Variants in DOCK4 observed in about 807,000 individuals in gnomAD.
The protein encoded by DOCK4 is dedicator of cytokinesis protein 4.
A neutral mutation model predicts 268.1 loss-of-function variants in DOCK4; 97 were observed. The observed-to-expected ratio is 0.36, with a 90% CI of 0.31 to 0.43. The LOEUF is 0.43. Among genes scored for constraint, DOCK4 ranks in the 20% least tolerant of loss-of-function variants. The pLI is 1.00. For missense variants in DOCK4, 2,145 were observed against 2,455.7 expected, an observed-to-expected ratio of 0.87 and a Z score of 2.67; for synonymous variants, 954 against 887.2, an observed-to-expected ratio of 1.08 and a Z score of -1.34.
chr7:112,092,783 T>G (rs906458711), intron 1 of DOCK4, among the ~76,000 whole-genome samples: 3 of 152,116 alleles, frequency 2.0e-5, no homozygotes, highest in Non-Finnish European at 4.4e-5. Flanking sequence ...TATTCCAGTT[T>G]TGAAACTGCA....
chr7:112,127,299 C>T (rs890638245), intron 1 of DOCK4, among the ~76,000 whole-genome samples: 3 of 150,956 alleles, frequency 2.0e-5, no homozygotes, highest in African/African-American at 7.3e-5. Flanking sequence ...TCTCAGTAAA[C>T]TATCGCAAGG....
chr7:112,200,275 G>A (rs1385352174), intron 1 of DOCK4, among the ~76,000 whole-genome samples: 2 of 152,202 alleles, frequency 1.3e-5, no homozygotes, highest in South Asian at 2.1e-4. Flanking sequence ...ATATGTGTGT[G>A]GGGTGGTACT....
In DOCK4 at chr7:111,998,427, C is replaced by A. The variant is rs779414323; in HGVS notation, c.218+21G>T. On this transcript the variant is annotated intron_variant, in intron 4 of 52. Transcript: ENST00000428084. ...AGGCTCTGTGAAAATCCTCCAACTACTAATAAAACTCATTTCTTACCCTTT... is the reference window on the plus strand; with the variant it reads ...AGGCTCTGTGAAAATCCTCCAACTAATAATAAAACTCATTTCTTACCCTTT... 12 of 1,536,742 alleles carry A rather than the reference C, an allele frequency of 7.8e-6. No individual in the cohort carries two copies. The East Asian group carries it at 2.6e-4, about 33-fold the overall frequency.
intron 13 of DOCK4, among the ~76,000 whole-genome samples, chr7:111,910,541 C>T (rs540561534): frequency 2.0e-5 from 3 of 152,316 alleles, no homozygotes; most frequent in African/African-American, 7.2e-5. Flanking sequence ...CCTATTAAAA[C>T]GCTAATATTT....
intron 1 of DOCK4, among the ~76,000 whole-genome samples, chr7:112,013,456 A>T (rs955575674): frequency 1.3e-5 from 2 of 152,226 alleles, no homozygotes; most frequent in African/African-American, 4.8e-5. Flanking sequence ...ACGGAGAAAT[A>T]GAGGAACAAA....
At chr7:111,963,227 C>A (rs2135002753) in intron 8 of DOCK4, among the ~76,000 whole-genome samples, 1 of 152,130 alleles carries the variant, frequency 6.6e-6, no homozygotes, top group Non-Finnish European at 1.5e-5. Flanking sequence ...ATAGGAACAG[C>A]TCCGGACTAC....
chr7:112,197,529 C>T (rs1194304293), intron 1 of DOCK4, among the ~76,000 whole-genome samples: 1 of 152,164 alleles, frequency 6.6e-6, no homozygotes, highest in East Asian at 1.9e-4. Flanking sequence ...ATAGAAATAA[C>T]TAATGCCTTA....
At chr7:111,919,066 C>A (rs1047992395) in intron 12 of DOCK4, among the ~76,000 whole-genome samples, 1 of 151,932 alleles carries the variant, frequency 6.6e-6, no homozygotes. Flanking sequence ...TCTTGTTTTG[C>A]CCTATAGGAG....
In DOCK4 at chr7:111,877,015, A is replaced by G. The variant is rs1180506015; in HGVS notation, c.1744+15T>C. ...ATTAGGTACTAGGGCTTTCAAATAA[A>G]ACATTATACATTACCATTTTGTGTG... On this transcript the variant is annotated intron_variant, in intron 17 of 52. Transcript: ENST00000428084. 44 of 1,468,084 alleles carry G rather than the reference A, an allele frequency of 3.0e-5. No individual in the cohort carries two copies. The highest frequency in any genetic ancestry group is 3.8e-5 in the Non-Finnish European group (42 of 1,104,212). The allele number at this position is 1,468,084 out of a possible 1,614,324, so 90.9% of individuals were successfully genotyped here.
rs201542459 is a variant in DOCK4, at chr7:111,758,185, C to T, written c.4329+439G>A. On this transcript the variant is annotated intron_variant, in intron 41 of 52. Coordinates refer to ENST00000428084, the MANE Select transcript of DOCK4 (RefSeq NM_001363540.2). ...TACCAGCAGTCTACCCAACTGTTCT[C>T]TGTCTTCAGGAACTCCTTTTCTCTG... Among the ~76,000 whole-genome samples the T allele has an allele frequency of 1.9e-4, 29 of 152,348 alleles. 1 individual carries two copies. The East Asian group carries it at 5.6e-3, about 29-fold the overall frequency.
intron 1 of DOCK4, among the ~76,000 whole-genome samples, chr7:112,053,686 T>G (rs1474915664): frequency 4.6e-5 from 7 of 152,228 alleles, no homozygotes; most frequent in African/African-American, 1.7e-4. Flanking sequence ...TCCCACTCAA[T>G]GGCTGCATGG....
chr7:112,145,704 T>C (rs1451222029), intron 1 of DOCK4, among the ~76,000 whole-genome samples: 2 of 152,054 alleles, frequency 1.3e-5, no homozygotes, highest in Non-Finnish European at 2.9e-5. Context: ...CCACTAGACA[T>C]ACATGCACAT....
intron 1 of DOCK4, among the ~76,000 whole-genome samples, chr7:112,121,965 A>C (rs540044460): frequency 7.6e-4 from 116 of 152,336 alleles, no homozygotes; most frequent in African/African-American, 2.5e-3. Flanking sequence ...CACTTCTATA[A>C]GTATTTGATT....
At chr7:112,094,366 GAT>G (rs1809911138) in intron 1 of DOCK4, among the ~76,000 whole-genome samples, 1 of 152,144 alleles carries the variant, frequency 6.6e-6, no homozygotes, top group African/African-American at 2.4e-5. Flanking sequence ...CTTCCCAAAT[GAT>G]AGTTATATCA....
rs1187174326 is a variant in DOCK4, at chr7:111,831,878, A to C, written c.2835+2710T>G. On this transcript the variant is annotated intron_variant, in intron 26 of 52. Coordinates refer to ENST00000428084, the MANE Select transcript of DOCK4 (RefSeq NM_001363540.2). ...CTTCTTAAAACAATCACAAGCTTCA[A>C]AATGTCCTCAAAACAAAGTCTACAC... 2.0e-5 allele frequency among the ~76,000 whole-genome samples: 3 copies of C among 152,108 alleles called. 1 individual carries two copies. The highest frequency in any genetic ancestry group is 1.3e-4 in the Admixed American group (2 of 15,276).
intron 8 of DOCK4, among the ~76,000 whole-genome samples, chr7:111,949,111 C>T (rs1795855953): frequency 6.6e-6 from 1 of 152,090 alleles, no homozygotes; most frequent in African/African-American, 2.4e-5. Context: ...GCAATGTGAG[C>T]ATTTTCCCTT....
In DOCK4 at chr7:111,796,707, G is replaced by A. The variant is rs534052788; in HGVS notation, c.3167-6102C>T. ...GCCATAATAGCAGGCAATCTAGCAC[G>A]TTTCCTCTGTTAAAGAAGCCTTGCC... is the stretch of plus-strand genomic sequence containing the variant. On this transcript the variant is annotated intron_variant, in intron 30 of 52. Transcript: ENST00000428084. Among the ~76,000 whole-genome samples the A allele has an allele frequency of 7.9e-5, 12 of 152,266 alleles. No individual in the cohort carries two copies. The South Asian group carries it at 1.0e-3, about 13-fold the overall frequency.
intron 1 of DOCK4, among the ~76,000 whole-genome samples, chr7:112,010,624 G>A (rs1459051100): frequency 1.3e-5 from 2 of 152,158 alleles, no homozygotes; most frequent in Admixed American, 6.5e-5. Flanking sequence ...GCCTTCATCT[G>A]GTAATAGGCT....
intron 1 of DOCK4, among the ~76,000 whole-genome samples, chr7:112,112,210 G>A (rs998542177): frequency 3.9e-5 from 6 of 152,136 alleles, no homozygotes; most frequent in Admixed American, 6.5e-5. Flanking sequence ...TGCCTTCACT[G>A]TTGTAATGAG....
Sources: gnomAD v4.1 joint callset for allele counts (sites outside exome capture counted in the v4.1 genomes callset) on GRCh38, gnomAD v4.1.1 for gene constraint, MANE v1.5 for transcripts, NCBI Gene and HGNC (gene_info 2026-07-23, HGNC 2026-07-21) for gene names.